ANKFN1: variants seen among roughly 807,000 people sequenced by gnomAD.
ANKFN1 encodes ankyrin repeat and fibronectin type-III domain-containing protein 1.
A neutral mutation model predicts 108.7 loss-of-function variants in ANKFN1; 74 were observed. That is an observed-to-expected ratio of 0.68 (90% CI 0.56 to 0.83). ANKFN1 has a LOEUF of 0.83. Ranked by LOEUF, ANKFN1 falls within the 40% of genes least tolerant of loss-of-function variation. The pLI is 0.00. For synonymous variants in ANKFN1, 547 were observed against 516.2 expected, an observed-to-expected ratio of 1.06 and a Z score of -0.81; for missense variants, 1,505 against 1,382.3, an observed-to-expected ratio of 1.09 and a Z score of -1.41.
At chr17:56,402,019 A>G (rs2047779807) in intron 8 of ANKFN1, among the ~76,000 whole-genome samples, 1 of 152,178 alleles carries the variant, frequency 6.6e-6, no homozygotes. Flanking sequence ...ATGTTAAACC[A>G]TCTCTGCATC....
chr17:56,281,865 A>T (rs2044091812), intron 3 of ANKFN1, among the ~76,000 whole-genome samples: 1 of 152,230 alleles, frequency 6.6e-6, no homozygotes, highest in Non-Finnish European at 1.5e-5. Context: ...GACAACTAGA[A>T]TTCACATAGA....
chr17:56,489,493 C>T (rs911555380), intron 18 of ANKFN1, among the ~76,000 whole-genome samples: 17 of 149,694 alleles, frequency 1.1e-4, no homozygotes, highest in Admixed American at 6.6e-4. Context: ...GAAACTGAAG[C>T]GTTATAGTTG....
intron 15 of ANKFN1, among the ~76,000 whole-genome samples, chr17:56,476,053 A>G (rs2145342133): frequency 6.6e-6 from 1 of 152,290 alleles, no homozygotes; most frequent in African/African-American, 2.4e-5. Flanking sequence ...TGAGGCAGGA[A>G]GTGCCACACA....
At chr17:56,143,801 C>T (rs190060493) in intron 4 of ANKFN1, among the ~76,000 whole-genome samples, 94 of 152,100 alleles carry the variant, frequency 6.2e-4, no homozygotes, top group Non-Finnish European at 9.1e-4. Context: ...ATTGGAATTA[C>T]GCAGCTACAA....
intron 1 of ANKFN1, among the ~76,000 whole-genome samples, chr17:56,170,805 TATACAC>T (rs1263745505): frequency 1.2e-3 from 88 of 72,136 alleles, no homozygotes; most frequent in Non-Finnish European, 1.6e-3. Context: ...TATATATATA[TATACAC>T]ACACACACAC....
intron 18 of ANKFN1, among the ~76,000 whole-genome samples, chr17:56,484,830 A>T (rs2145388493): frequency 6.6e-6 from 1 of 152,348 alleles, no homozygotes; most frequent in East Asian, 1.9e-4. Flanking sequence ...ATTACAGGCA[A>T]AAATACATGA....
At chr17:56,329,753 CA>C (rs1360679026) in intron 4 of ANKFN1, among the ~76,000 whole-genome samples, 1 of 152,110 alleles carries the variant, frequency 6.6e-6, no homozygotes, top group Non-Finnish European at 1.5e-5. Context: ...CTCCGAAAGC[CA>C]AATGTTGAAA....
At chr17:56,139,801 C>T (rs1299703997) in intron 4 of ANKFN1, among the ~76,000 whole-genome samples, 1 of 152,146 alleles carries the variant, frequency 6.6e-6, no homozygotes, top group Non-Finnish European at 1.5e-5. Flanking sequence ...GACCACATTA[C>T]CAACTTTTTT....
At chr17:56,302,517 C>CA (rs774091391) in intron 3 of ANKFN1, among the ~76,000 whole-genome samples, 3,192 of 96,460 alleles carry the variant, frequency 0.033, 115 homozygotes, top group African/African-American at 0.094. Flanking sequence ...CTAGCCTCTA[C>CA]AAAAAAAAAA....
intron 10 of ANKFN1, among the ~76,000 whole-genome samples, chr17:56,445,745 G>T (rs1047314847): frequency 3.3e-5 from 5 of 152,048 alleles, no homozygotes; most frequent in African/African-American, 9.7e-5. Flanking sequence ...TTTACAAAAG[G>T]CCTTAATGTG....
At chr17:56,241,441 C>T (rs1917574727) in intron 3 of ANKFN1, among the ~76,000 whole-genome samples, 1 of 152,256 alleles carries the variant, frequency 6.6e-6, no homozygotes, top group East Asian at 1.9e-4. Flanking sequence ...TATGCTATCT[C>T]TATCATGAAC....
At chr17:56,054,844 C>A (rs188757675) in intron 4 of ANKFN1, among the ~76,000 whole-genome samples, 1 of 152,152 alleles carries the variant, frequency 6.6e-6, no homozygotes, top group East Asian at 1.9e-4. Flanking sequence ...TGTGATCACA[C>A]CATTGCACTC....
intron 4 of ANKFN1, among the ~76,000 whole-genome samples, chr17:56,081,941 T>G (rs1275057200): frequency 6.6e-6 from 1 of 152,206 alleles, no homozygotes; most frequent in Non-Finnish European, 1.5e-5. Context: ...ACTCCTGAGA[T>G]CTTATCAGGA....
intron 3 of ANKFN1, among the ~76,000 whole-genome samples, chr17:56,259,713 A>C (rs1488949665): frequency 1.3e-5 from 2 of 152,198 alleles, no homozygotes; most frequent in African/African-American, 4.8e-5. Context: ...GAGCTTGATA[A>C]TACTACTAGT....
intron 3 of ANKFN1, among the ~76,000 whole-genome samples, chr17:56,273,787 C>CTT (rs923086669): frequency 1.3e-5 from 2 of 152,144 alleles, no homozygotes; most frequent in Non-Finnish European, 2.9e-5. Flanking sequence ...TGTACAAAAA[C>CTT]ATCTTTCATC....
chr17:56,224,116 C>T (rs1916077211), intron 2 of ANKFN1, among the ~76,000 whole-genome samples: 1 of 152,222 alleles, frequency 6.6e-6, no homozygotes, highest in Non-Finnish European at 1.5e-5. Flanking sequence ...CATCACATCC[C>T]TATGCCTTCA....
intron 4 of ANKFN1, among the ~76,000 whole-genome samples, chr17:56,117,531 G>C (rs961640278): frequency 1.3e-5 from 2 of 152,112 alleles, no homozygotes; most frequent in Admixed American, 1.3e-4. Flanking sequence ...TTTTTACTGA[G>C]TAAGAAATTT....
intron 4 of ANKFN1, among the ~76,000 whole-genome samples, chr17:56,116,410 T>A (rs1906277678): frequency 6.6e-6 from 1 of 152,148 alleles, no homozygotes; most frequent in Non-Finnish European, 1.5e-5. Flanking sequence ...ACCTTCCAAG[T>A]CTCATGTTGA....
chr17:56,079,943 G>A (rs937220869), intron 4 of ANKFN1, among the ~76,000 whole-genome samples: 6 of 152,054 alleles, frequency 3.9e-5, no homozygotes, highest in Non-Finnish European at 8.8e-5. Context: ...TAAATTAAAA[G>A]ACATGTCAAC....
Sources: allele counts gnomAD v4.1 joint callset (sites outside exome capture counted in the v4.1 genomes callset), GRCh38; gene constraint gnomAD v4.1.1; transcripts MANE v1.5; gene names NCBI Gene and HGNC (gene_info 2026-07-23, HGNC 2026-07-21).